The following PDLIM5 variants were observed in gnomAD, a reference collection of about 807,000 sequenced individuals.
PDLIM5 encodes PDZ and LIM domain 5.
Under a neutral mutation model 64.2 loss-of-function variants are expected in PDLIM5, and 34 were observed. That is an observed-to-expected ratio of 0.53 (90% CI 0.40 to 0.71). The LOEUF (loss-of-function observed/expected upper bound fraction) is 0.71. Among genes scored for constraint, PDLIM5 ranks in the 30% least tolerant of loss-of-function variants. PDLIM5 has a pLI of 0.00. For missense variants in PDLIM5, 683 were observed against 733.6 expected, an observed-to-expected ratio of 0.93 and a Z score of 0.80; for synonymous variants, 253 against 269.1, an observed-to-expected ratio of 0.94 and a Z score of 0.59.
chr4:94,463,914 A>G (rs1724116687), intron 2 of PDLIM5, among the ~76,000 whole-genome samples: 1 of 152,346 alleles, frequency 6.6e-6, no homozygotes, highest in East Asian at 1.9e-4. Context: ...GTAGGTTTAT[A>G]GAGTGTTCTG....
At chr4:94,535,568 C>T (rs1335792087) in intron 3 of PDLIM5, among the ~76,000 whole-genome samples, 1 of 152,098 alleles carries the variant, frequency 6.6e-6, no homozygotes, top group Non-Finnish European at 1.5e-5. Flanking sequence ...CTGTAGCCAC[C>T]TGTTCATTAG....
Position 94,552,999 on chromosome 4 carries a change from G to T in PDLIM5, c.249-20352G>T, listed in dbSNP as rs568828694. On this transcript the variant is annotated intron_variant, in intron 3 of 12. Coordinates refer to ENST00000317968, the MANE Select transcript of PDLIM5 (RefSeq NM_006457.5). ...AACTAATACAAGAAAAACCCCAGTC[G>T]TTTCTTTTTTTGCCCCTCCCCTTAC... 1.6e-4 allele frequency among the ~76,000 whole-genome samples: 25 copies of T among 152,168 alleles called. No homozygotes were observed. In the South Asian group the frequency reaches 5.2e-3, roughly 32 times the overall value.
Position 94,478,890 on chromosome 4 carries a change from GTTTT to G in PDLIM5, c.96+23530_96+23533del, listed in dbSNP as rs67013211. Among the ~76,000 whole-genome samples the G allele has an allele frequency of 1.9e-3, 180 of 94,070 alleles. 2 individuals carry two copies. The highest frequency in any genetic ancestry group is 2.8e-3 in the South Asian group (7 of 2,506). 61.7% of individuals were successfully genotyped at this position (94,070 alleles called of 152,430 possible). A position where few individuals can be genotyped will look rare whatever the true frequency, so the allele number is the denominator to read the frequency against. ...CCAAAAGAAGGTAGGTGTGCTTGGT[GTTTT>G]TTTTTTTTTTTTTTTTTTTTTTTAA... is the stretch of plus-strand genomic sequence containing the variant. On this transcript the variant is annotated intron_variant, in intron 2 of 12. Coordinates refer to ENST00000317968, the MANE Select transcript of PDLIM5 (RefSeq NM_006457.5).
chr4:94,591,734 A>C (rs1377867205), intron 7 of PDLIM5, among the ~76,000 whole-genome samples: 1 of 152,096 alleles, frequency 6.6e-6, no homozygotes, highest in African/African-American at 2.4e-5. Flanking sequence ...TTGCAACTCC[A>C]CCTCTCCTAC....
chr4:94,526,730 C>CT, intron 3 of PDLIM5, among the ~76,000 whole-genome samples: 1 of 144,304 alleles, frequency 6.9e-6, no homozygotes, highest in Non-Finnish European at 1.5e-5. Context: ...AACAGCATTT[C>CT]TTTCTTTCTT....
At chr4:94,517,468 C>T (rs1057021293) in intron 2 of PDLIM5, among the ~76,000 whole-genome samples, 10 of 152,158 alleles carry the variant, frequency 6.6e-5, no homozygotes, top group Admixed American at 3.9e-4. Context: ...AAAAATAACA[C>T]TTTCTCAGTG....
chr4:94,521,830 TG>T (rs1729856608), intron 2 of PDLIM5, among the ~76,000 whole-genome samples: 1 of 152,126 alleles, frequency 6.6e-6, no homozygotes, highest in African/African-American at 2.4e-5. Context: ...GTAATTTAAC[TG>T]CATTCTATTT....
chr4:94,618,024 C>A lies in PDLIM5; in HGVS notation c.941C>A (p.Pro314Gln). 1 of 1,578,836 alleles carries A rather than the reference C, an allele frequency of 6.3e-7. No homozygotes were observed. Among genetic ancestry groups the A allele is most frequent in the South Asian group, 1.2e-5 (1 of 85,984 alleles). ...TACAGTAACTCTCAGGAGCCTTCTC[C>A]GCAGTTGGCTTCCTCGGTAGCTTCC... The part of the protein sequence containing the change: ...KKANNSQEPS[P>Q]QLASSVASTR... The change falls in exon 8 of 13, where the codon CCG becomes CAG. Residue 314 changes from proline to glutamine, a missense_variant. Pro to Gln is a moderately conservative substitution (Grantham distance 76, BLOSUM62 -1). Coordinates refer to ENST00000317968, the MANE Select transcript of PDLIM5 (RefSeq NM_006457.5).
At chr4:94,484,076 GT>G (rs1160389978) in intron 2 of PDLIM5, among the ~76,000 whole-genome samples, 1 of 152,120 alleles carries the variant, frequency 6.6e-6, no homozygotes, top group Non-Finnish European at 1.5e-5. Flanking sequence ...GCAAAGTATG[GT>G]TTTACTAGCA....
chr4:94,631,548 C>T (rs1481572380), intron 8 of PDLIM5, among the ~76,000 whole-genome samples: 1 of 152,164 alleles, frequency 6.6e-6, no homozygotes, highest in Non-Finnish European at 1.5e-5. Flanking sequence ...TCACTATCCC[C>T]TCCTCCAAAC....
At chr4:94,476,552 G>C (rs759277056) in intron 2 of PDLIM5, among the ~76,000 whole-genome samples, 9 of 152,138 alleles carry the variant, frequency 5.9e-5, no homozygotes, top group Non-Finnish European at 1.2e-4. Context: ...TGTGAAAACA[G>C]ACACGTTTCT....
chr4:94,646,075 G>T (rs115036198), intron 9 of PDLIM5, among the ~76,000 whole-genome samples: 1,887 of 152,230 alleles, frequency 0.012, 32 homozygotes, highest in African/African-American at 0.043. Flanking sequence ...AGCAACATTC[G>T]TTGAGTATTT....
chr4:94,461,564 A>G (rs1215247304), intron 2 of PDLIM5, among the ~76,000 whole-genome samples: 2 of 152,138 alleles, frequency 1.3e-5, no homozygotes, highest in African/African-American at 4.8e-5. Flanking sequence ...TGGACAAAGC[A>G]GAGAATATTG....
intron 8 of PDLIM5, among the ~76,000 whole-genome samples, chr4:94,623,818 ACTGTCTGCCAAAGG>A (rs922980503): frequency 2.6e-5 from 4 of 152,210 alleles, no homozygotes. Flanking sequence ...AGGTGGGAGC[ACTGTCTGCCAAAGG>A]CTGCTATTAG....
intron 3 of PDLIM5, among the ~76,000 whole-genome samples, chr4:94,551,608 C>T (rs761830677): frequency 1.3e-5 from 2 of 152,064 alleles, no homozygotes; most frequent in South Asian, 4.1e-4. Context: ...CCCAAATAAA[C>T]GTGAAGATCT....
intron 7 of PDLIM5, among the ~76,000 whole-genome samples, chr4:94,600,463 CT>C (rs1414772581): frequency 6.6e-6 from 1 of 152,120 alleles, no homozygotes; most frequent in Non-Finnish European, 1.5e-5. Context: ...CAGACGTATT[CT>C]TTTATATTTT....
At chr4:94,474,343 T>C (rs1006828398) in intron 2 of PDLIM5, among the ~76,000 whole-genome samples, 2 of 152,130 alleles carry the variant, frequency 1.3e-5, no homozygotes, top group African/African-American at 2.4e-5. Context: ...CTCCGCCTCC[T>C]GGGTTCAAGT....
chr4:94,497,564 T>A (rs921448257), intron 2 of PDLIM5, among the ~76,000 whole-genome samples: 16 of 152,302 alleles, frequency 1.1e-4, no homozygotes, highest in African/African-American at 3.1e-4. Context: ...TTTCTGAGGC[T>A]ACCTTGACAT....
chr4:94,485,981 A>G (rs1211397964), intron 2 of PDLIM5, among the ~76,000 whole-genome samples: 1 of 152,104 alleles, frequency 6.6e-6, no homozygotes, highest in Non-Finnish European at 1.5e-5. Context: ...GATGAAGAGG[A>G]GGTCTCAAAG....
Sources: allele counts gnomAD v4.1 joint callset (sites outside exome capture counted in the v4.1 genomes callset), GRCh38; gene constraint gnomAD v4.1.1; transcripts MANE v1.5; gene names NCBI Gene and HGNC (gene_info 2026-07-23, HGNC 2026-07-21).